Variants in NCKAP5 observed in about 807,000 individuals in gnomAD.
NCKAP5 encodes the protein NCK associated protein 5.
In NCKAP5, 92 loss-of-function variants were observed where a neutral mutation model predicts 167.0. That is an observed-to-expected ratio of 0.55 (90% confidence interval 0.47 to 0.66). The LOEUF (loss-of-function observed/expected upper bound fraction) is 0.66. NCKAP5 is among the 30% of genes least tolerant of loss of function. NCKAP5 has a pLI of 0.00. For missense variants in NCKAP5, 2,378 were observed against 2,315.0 expected (o/e 1.03, Z -0.56); for synonymous variants, 891 against 877.4 (o/e 1.02, Z -0.27).
At chr2:133,410,053 C>A (rs929782509) in intron 3 of NCKAP5, among the ~76,000 whole-genome samples, 2 of 152,190 alleles carry the variant, frequency 1.3e-5, no homozygotes, top group South Asian at 4.1e-4. Context: ...AGCAAAGGCT[C>A]AAGGTTGCTT....
the NCKAP5 span, among the ~76,000 whole-genome samples, chr2:133,593,031 G>T: frequency 6.6e-6 from 1 of 152,146 alleles, no homozygotes; most frequent in Non-Finnish European, 1.5e-5. Context: ...AGAACCATGA[G>T]CATTCCTGGA....
the NCKAP5 span, among the ~76,000 whole-genome samples, chr2:133,607,381 A>G: frequency 1.3e-5 from 2 of 152,140 alleles, no homozygotes; most frequent in African/African-American, 4.8e-5. Flanking sequence ...ATAACATTGC[A>G]TTTCTTTATC....
chr2:132,975,572 G>T (rs994306826), intron 7 of NCKAP5, among the ~76,000 whole-genome samples: 4 of 152,132 alleles, frequency 2.6e-5, no homozygotes, highest in African/African-American at 9.7e-5. Flanking sequence ...GGAATAGAAT[G>T]GTGTGAAAAG....
chr2:133,270,940 G>C (rs796675087), intron 4 of NCKAP5, among the ~76,000 whole-genome samples: 2 of 130,042 alleles, frequency 1.5e-5, no homozygotes, highest in African/African-American at 6.0e-5. Context: ...TCTTTTTTGA[G>C]AGGGAGTCTC....
chr2:133,583,699 GTTA>G, the NCKAP5 span, among the ~76,000 whole-genome samples: 1 of 152,136 alleles, frequency 6.6e-6, no homozygotes, highest in Non-Finnish European at 1.5e-5. Flanking sequence ...TTTAGCACAA[GTTA>G]TTAAATAGTA....
chr2:132,877,862 T>C (rs1691403944), intron 9 of NCKAP5, among the ~76,000 whole-genome samples: 1 of 152,178 alleles, frequency 6.6e-6, no homozygotes, highest in South Asian at 2.1e-4. Flanking sequence ...GACGATATAT[T>C]GGCAGTTCCC....
chr2:133,254,963 G>A (rs911177218), intron 4 of NCKAP5, among the ~76,000 whole-genome samples: 7 of 152,096 alleles, frequency 4.6e-5, no homozygotes, highest in African/African-American at 1.7e-4. Flanking sequence ...TTAGGAGCCT[G>A]GAACTTGAAT....
intron 19 of NCKAP5, among the ~76,000 whole-genome samples, chr2:132,719,806 G>T (rs994673211): frequency 6.6e-6 from 1 of 152,194 alleles, no homozygotes; most frequent in African/African-American, 2.4e-5. Flanking sequence ...GCGACTCCTT[G>T]CTTCATAGTT....
chr2:133,187,281 A>G (rs867162035), intron 5 of NCKAP5, among the ~76,000 whole-genome samples: 6 of 152,166 alleles, frequency 3.9e-5, no homozygotes, highest in African/African-American at 1.2e-4. Flanking sequence ...CTTTGTACTG[A>G]CCAAGAACAC....
At chr2:133,318,754 A>G (rs1681800198) in intron 3 of NCKAP5, among the ~76,000 whole-genome samples, 1 of 152,166 alleles carries the variant, frequency 6.6e-6, no homozygotes, top group African/African-American at 2.4e-5. Context: ...TGGAAGAGCA[A>G]TGGTGCAATG....
chr2:133,132,163 C>T (rs1055906878), intron 5 of NCKAP5, among the ~76,000 whole-genome samples: 4 of 151,762 alleles, frequency 2.6e-5, no homozygotes, highest in African/African-American at 9.7e-5. Flanking sequence ...TGGCGGGTGC[C>T]TATAATGCCA....
intron 5 of NCKAP5, among the ~76,000 whole-genome samples, chr2:133,182,294 C>A (rs2084771793): frequency 6.6e-6 from 1 of 152,126 alleles, no homozygotes; most frequent in African/African-American, 2.4e-5. Flanking sequence ...GTAATTAATA[C>A]AAAAGTACAT....
At chr2:132,940,995 CA>C (rs1312142854) in intron 8 of NCKAP5, among the ~76,000 whole-genome samples, 3 of 152,062 alleles carry the variant, frequency 2.0e-5, no homozygotes, top group Non-Finnish European at 2.9e-5. Context: ...TTTTCTCCTA[CA>C]TTAATTCATT....
chr2:133,379,114 T>C (rs1686349625), intron 3 of NCKAP5, among the ~76,000 whole-genome samples: 3 of 152,196 alleles, frequency 2.0e-5, no homozygotes, highest in Non-Finnish European at 4.4e-5. Flanking sequence ...ACACCAACAG[T>C]GCCTAATGCA....
At chr2:133,422,086 A>G (rs923715970) in intron 3 of NCKAP5, among the ~76,000 whole-genome samples, 2 of 152,256 alleles carry the variant, frequency 1.3e-5, no homozygotes, top group Non-Finnish European at 2.9e-5. Flanking sequence ...TAGAGCACAG[A>G]GTGCAGGGGA....
At chr2:133,113,321 T>C (rs2081975268) in intron 6 of NCKAP5, among the ~76,000 whole-genome samples, 1 of 151,960 alleles carries the variant, frequency 6.6e-6, no homozygotes. Flanking sequence ...TTTATACAAC[T>C]AACGTTCAGT....
At chr2:133,420,875 G>A (rs1219964159) in intron 3 of NCKAP5, among the ~76,000 whole-genome samples, 3 of 152,096 alleles carry the variant, frequency 2.0e-5, no homozygotes, top group Admixed American at 6.5e-5. Flanking sequence ...AGCCTGCCTC[G>A]CCCCACTGCT....
upstream of NCKAP5, among the ~76,000 whole-genome samples, chr2:133,569,626 T>G (rs183116556): frequency 6.6e-6 from 1 of 152,252 alleles, no homozygotes; most frequent in East Asian, 1.9e-4. Context: ...GTTAGCTGAT[T>G]CTGTGGCATG....
chr2:133,308,686 ATTCTTTTTT>A (rs1680986283), intron 3 of NCKAP5, among the ~76,000 whole-genome samples: 6 of 118,800 alleles, frequency 5.1e-5, no homozygotes, highest in African/African-American at 1.6e-4. Context: ...AAGAAATACA[ATTCTTTTTT>A]TTTTTTTTTT....
Sources: allele counts gnomAD v4.1 joint callset (sites outside exome capture counted in the v4.1 genomes callset), GRCh38; gene constraint gnomAD v4.1.1; transcripts MANE v1.5; gene names NCBI Gene and HGNC (gene_info 2026-07-23, HGNC 2026-07-21).